Variants in GALNT13 observed in about 807,000 individuals in gnomAD.
GALNT13 encodes polypeptide N-acetylgalactosaminyltransferase 13.
GALNT13 carries 28 observed loss-of-function variants against 64.2 expected under a neutral mutation model. The ratio of observed to expected loss-of-function variants is 0.44; its 90% CI spans 0.32 to 0.60. GALNT13 has a LOEUF of 0.60. GALNT13 is among the 20% of genes least tolerant of loss of function. The pLI, the probability that GALNT13 is intolerant of heterozygous loss-of-function variation, is 0.05. For missense variants in GALNT13, 577 were observed against 669.8 expected (o/e 0.86, Z 1.53); for synonymous variants, 214 against 224.6 (o/e 0.95, Z 0.42).
intron 3 of GALNT13, among the ~76,000 whole-genome samples, chr2:153,953,422 C>G (rs1216355357): frequency 1.3e-5 from 2 of 152,022 alleles, no homozygotes; most frequent in South Asian, 4.1e-4. Flanking sequence ...ACAAAAAAAT[C>G]TGTAAAGTTG....
At chr2:153,611,679 CTTTTTTTTTTTTTT>C in the GALNT13 span, among the ~76,000 whole-genome samples, 12 of 104,396 alleles carry the variant, frequency 1.1e-4, no homozygotes, top group East Asian at 3.0e-3. Context: ...ACATTTTTAC[CTTTTTTTTTTTTTT>C]TTTTTTTTTT....
At chr2:153,571,619 T>C in the GALNT13 span, among the ~76,000 whole-genome samples, 1 of 151,974 alleles carries the variant, frequency 6.6e-6, no homozygotes, top group Non-Finnish European at 1.5e-5. Context: ...TGACATATGT[T>C]CCTTCTATAC....
the GALNT13 span, among the ~76,000 whole-genome samples, chr2:153,335,756 A>G: frequency 6.6e-6 from 1 of 152,246 alleles, no homozygotes; most frequent in Non-Finnish European, 1.5e-5. Context: ...CATAAGTAGC[A>G]AGGAGCCTAA....
chr2:153,871,051 G>GTCTGC (rs1685893516), upstream of GALNT13, among the ~76,000 whole-genome samples: 1 of 152,144 alleles, frequency 6.6e-6, no homozygotes, highest in African/African-American at 2.4e-5. Flanking sequence ...CGCTAATAAT[G>GTCTGC]TCTGCGTCTT....
intron 3 of GALNT13, among the ~76,000 whole-genome samples, chr2:154,025,252 G>C (rs753555713): frequency 6.6e-6 from 1 of 152,154 alleles, no homozygotes; most frequent in Non-Finnish European, 1.5e-5. Context: ...CCCGTCTTCT[G>C]CGTCACTCAC....
At chr2:153,234,043 T>C in the GALNT13 span, among the ~76,000 whole-genome samples, 1 of 152,188 alleles carries the variant, frequency 6.6e-6, no homozygotes, top group African/African-American at 2.4e-5. Flanking sequence ...AGTCACATAA[T>C]TTAAGCCATG....
chr2:153,816,471 C>T, the GALNT13 span, among the ~76,000 whole-genome samples: 1 of 152,132 alleles, frequency 6.6e-6, no homozygotes, highest in African/African-American at 2.4e-5. Context: ...TGCCATTGGA[C>T]ATATTTAGCT....
the GALNT13 span, among the ~76,000 whole-genome samples, chr2:153,826,100 T>G: frequency 1.3e-5 from 2 of 152,162 alleles, no homozygotes; most frequent in African/African-American, 4.8e-5. Context: ...TAAAATTTAT[T>G]TTTTATACTT....
chr2:154,319,336 G>GT (rs1470484131), intron 9 of GALNT13, among the ~76,000 whole-genome samples: 1 of 152,140 alleles, frequency 6.6e-6, no homozygotes, highest in Non-Finnish European at 1.5e-5. Flanking sequence ...TATAGTGAAT[G>GT]TTACTGGAAG....
At chr2:153,441,937 A>C in the GALNT13 span, among the ~76,000 whole-genome samples, 1 of 152,132 alleles carries the variant, frequency 6.6e-6, no homozygotes, top group East Asian at 1.9e-4. Context: ...AATACCCTTT[A>C]TTTCTTTCTC....
chr2:153,300,920 T>C, the GALNT13 span, among the ~76,000 whole-genome samples: 1 of 152,260 alleles, frequency 6.6e-6, no homozygotes, highest in Non-Finnish European at 1.5e-5. Context: ...ATTAAGAGTA[T>C]AGGCTGGGCA....
At chr2:153,080,127 C>T in the GALNT13 span, among the ~76,000 whole-genome samples, 1 of 152,088 alleles carries the variant, frequency 6.6e-6, no homozygotes, top group South Asian at 2.1e-4. Flanking sequence ...TCCCTCCACC[C>T]TTTTTTGCAT....
the GALNT13 span, among the ~76,000 whole-genome samples, chr2:153,144,938 G>A: frequency 6.6e-6 from 1 of 151,926 alleles, no homozygotes; most frequent in Admixed American, 6.6e-5. Flanking sequence ...ATGATATAAA[G>A]TATGCTTATC....
intron 3 of GALNT13, among the ~76,000 whole-genome samples, chr2:153,948,160 T>A (rs961167215): frequency 1.3e-5 from 2 of 152,032 alleles, no homozygotes; most frequent in Non-Finnish European, 2.9e-5. Context: ...CTTTGACTTT[T>A]GGGCTTTTTT....
the GALNT13 span, among the ~76,000 whole-genome samples, chr2:153,231,233 C>G: frequency 7.2e-4 from 109 of 152,106 alleles, 1 homozygote; most frequent in Non-Finnish European, 1.4e-3. Context: ...CCAATTGTCT[C>G]GAGTTTTCAA....
intron 4 of GALNT13, among the ~76,000 whole-genome samples, chr2:154,234,313 T>C (rs1689078565): frequency 6.6e-6 from 1 of 152,158 alleles, no homozygotes; most frequent in Non-Finnish European, 1.5e-5. Context: ...AATAATAAAT[T>C]ACATTCATAT....
At chr2:153,410,638 T>C in the GALNT13 span, among the ~76,000 whole-genome samples, 1 of 152,146 alleles carries the variant, frequency 6.6e-6, no homozygotes. Context: ...AGTGTGAAGG[T>C]AATTCTCTTG....
At chr2:153,424,445 A>T in the GALNT13 span, among the ~76,000 whole-genome samples, 1 of 151,810 alleles carries the variant, frequency 6.6e-6, no homozygotes, top group Non-Finnish European at 1.5e-5. Flanking sequence ...AAACAAGAAA[A>T]AGAGAAGCTA....
chr2:154,298,861 ATTATATATACATTATATATTAT>A (rs1183777879), intron 8 of GALNT13, among the ~76,000 whole-genome samples: 1 of 126,482 alleles, frequency 7.9e-6, no homozygotes, highest in African/African-American at 2.9e-5. Context: ...TTATATATAC[ATTATATATACATTATATATTAT>A]TTATATATAC....
Sources: allele counts gnomAD v4.1 joint callset (sites outside exome capture counted in the v4.1 genomes callset), GRCh38; gene constraint gnomAD v4.1.1; transcripts MANE v1.5; gene names NCBI Gene and HGNC (gene_info 2026-07-23, HGNC 2026-07-21).